The following LPP variants were observed in gnomAD, a reference collection of about 807,000 sequenced individuals.
The protein encoded by LPP is lipoma-preferred partner.
Under a neutral mutation model 60.4 loss-of-function variants are expected in LPP, and 38 were observed. The observed-to-expected ratio is 0.63, with a 90% CI of 0.49 to 0.83. The LOEUF (loss-of-function observed/expected upper bound fraction) is 0.83, where lower values mean the gene tolerates loss of function less well. Among genes scored for constraint, LPP ranks in the 40% least tolerant of loss-of-function variants. The probability of loss-of-function intolerance (pLI) is 0.00; values close to 1 mark genes in which losing one functional copy is unlikely to be tolerated. For synonymous variants in LPP, 328 were observed against 290.8 expected, an observed-to-expected ratio of 1.13 and a Z score of -1.30; for missense variants, 902 against 783.6, an observed-to-expected ratio of 1.15 and a Z score of -1.80.
intron 4 of LPP, among the ~76,000 whole-genome samples, chr3:188,416,263 C>T (rs1044724196): frequency 2.6e-5 from 4 of 152,112 alleles, no homozygotes; most frequent in Non-Finnish European, 5.9e-5. Context: ...ATGGCTTAAA[C>T]CTGTGGTTTT....
chr3:188,734,822 A>G (rs968094697), intron 8 of LPP, among the ~76,000 whole-genome samples: 2 of 152,234 alleles, frequency 1.3e-5, no homozygotes, highest in African/African-American at 4.8e-5. Flanking sequence ...GAATTTGAAA[A>G]GAGTCCAGGA....
At chr3:188,654,725 C>T (rs956094513) in intron 7 of LPP, among the ~76,000 whole-genome samples, 9 of 152,308 alleles carry the variant, frequency 5.9e-5, no homozygotes, top group Admixed American at 1.3e-4. Flanking sequence ...CCCCCAATAG[C>T]TTACCCAGTC....
Position 188,732,496 on chromosome 3 carries a change from G to A in LPP, c.1240+24103G>A, listed in dbSNP as rs548203881. On this transcript the variant is annotated intron_variant, in intron 8 of 11. Coordinates refer to ENST00000617246, the MANE Select transcript of LPP (RefSeq NM_001375462.1). ...ATCCTGGCCGGGCGCAGTGGCTCAC[G>A]CCTGTAATCCCAGCGCTTTGGGAGG... Among the ~76,000 whole-genome samples, 416 of 152,156 alleles carry A rather than the reference G, an allele frequency of 2.7e-3. 3 individuals carry two copies. Among genetic ancestry groups the A allele is most frequent in the African/African-American group, 9.0e-3 (375 of 41,534 alleles).
intron 2 of LPP, among the ~76,000 whole-genome samples, chr3:188,305,190 C>T (rs1273389812): frequency 6.6e-6 from 1 of 152,112 alleles, no homozygotes; most frequent in Non-Finnish European, 1.5e-5. Flanking sequence ...CAAAGCCTAG[C>T]TCTGTAGGAG....
chr3:188,282,205 G>T (rs138449002), intron 2 of LPP, among the ~76,000 whole-genome samples: 1 of 151,822 alleles, frequency 6.6e-6, no homozygotes, highest in African/African-American at 2.4e-5. Context: ...TTAATATGGG[G>T]CTCAGTGGCC....
At chr3:188,214,439 A>G (rs1712682701) in intron 1 of LPP, among the ~76,000 whole-genome samples, 1 of 152,160 alleles carries the variant, frequency 6.6e-6, no homozygotes, top group Non-Finnish European at 1.5e-5. Context: ...CCTCGGATCA[A>G]CTTGAGGGCC....
chr3:188,818,699 A>G (rs1017310031), intron 9 of LPP, among the ~76,000 whole-genome samples: 1 of 152,118 alleles, frequency 6.6e-6, no homozygotes, highest in Non-Finnish European at 1.5e-5. Context: ...TTATTTCCTA[A>G]CAGTGTAGCC....
At chr3:188,204,054 G>T (rs1417143168) in intron 1 of LPP, among the ~76,000 whole-genome samples, 1 of 152,156 alleles carries the variant, frequency 6.6e-6, no homozygotes. Context: ...GGGTGGGCCA[G>T]TGAAGACACT....
intron 3 of LPP, among the ~76,000 whole-genome samples, chr3:188,374,992 T>G (rs1774538226): frequency 6.6e-6 from 1 of 152,198 alleles, no homozygotes; most frequent in East Asian, 1.9e-4. Flanking sequence ...TGGTTCTGTT[T>G]ATATGCTGGA....
chr3:188,524,672 C>T lies in LPP; in HGVS notation c.314C>T (p.Pro105Leu), dbSNP rs1490765692. 1.9e-6 allele frequency: 3 copies of T among 1,613,300 alleles called. No homozygotes were observed. The highest frequency in any genetic ancestry group is 2.5e-6 in the Non-Finnish European group (3 of 1,179,606). ...DEEAFKVQGN[P>L]GGKTLEERRS... Reference sequence around the variant, plus strand: ...CTGTGTTGCTTCCAACAGGGGAATCCCGGAGGCAAGACACTTGAGGAGAGG... The same window carrying T: ...CTGTGTTGCTTCCAACAGGGGAATCTCGGAGGCAAGACACTTGAGGAGAGG... The change falls in exon 6 of 12, where the codon CCC becomes CTC. Residue 105 changes from proline (P) to leucine (L), a missense_variant. Pro to Leu is a moderately conservative substitution (Grantham distance 98, BLOSUM62 -3). Coordinates refer to ENST00000617246, the MANE Select transcript of LPP (RefSeq NM_001375462.1).
chr3:188,464,638 T>C (rs1035847042), intron 4 of LPP, among the ~76,000 whole-genome samples: 5 of 152,160 alleles, frequency 3.3e-5, no homozygotes, highest in Non-Finnish European at 4.4e-5. Context: ...TAAAGTGATT[T>C]CATGGACACT....
rs535653153 is a variant in LPP at position 188,219,360 on chromosome 3, C to T, written c.-189-6045C>T. 7.1e-4 allele frequency among the ~76,000 whole-genome samples: 108 copies of T among 152,114 alleles called. 1 individual carries two copies. The highest frequency in any genetic ancestry group is 3.4e-3 in the Middle Eastern group (1 of 292). ...CAATTGAGGGTACCTGTGCTCTAGC[C>T]GGGGCCCGGAATTTAATATTTAATG... On this transcript the variant is annotated intron_variant, in intron 1 of 11. Coordinates refer to ENST00000617246, the MANE Select transcript of LPP (RefSeq NM_001375462.1).
At chr3:188,296,326 CG>C (rs1245387323) in intron 2 of LPP, among the ~76,000 whole-genome samples, 5 of 151,990 alleles carry the variant, frequency 3.3e-5, no homozygotes, top group African/African-American at 9.7e-5. Context: ...AGTGAGGATT[CG>C]GGGGATGGAG....
intron 3 of LPP, among the ~76,000 whole-genome samples, chr3:188,371,102 C>T (rs1772927032): frequency 6.6e-6 from 1 of 152,064 alleles, no homozygotes; most frequent in South Asian, 2.1e-4. Flanking sequence ...ACTTTGCCTT[C>T]CTTCTCTGTA....
At chr3:188,700,952 C>T (rs1019438681) in intron 7 of LPP, among the ~76,000 whole-genome samples, 1 of 152,092 alleles carries the variant, frequency 6.6e-6, no homozygotes, top group South Asian at 2.1e-4. Context: ...TAACATGTTA[C>T]ACATAAAGAA....
intron 6 of LPP, among the ~76,000 whole-genome samples, chr3:188,592,557 G>GTTTGTTTTTTTTTTTTT (rs1260656926): frequency 2.8e-4 from 24 of 85,692 alleles, no homozygotes; most frequent in African/African-American, 6.3e-4. Context: ...TTTTGTTTTT[G>GTTTGTTTTTTTTTTTTT]TTTTTTAAAT....
chr3:188,697,316 T>C lies in LPP; in HGVS notation c.1114-10951T>C, dbSNP rs372776191. Among the ~76,000 whole-genome samples the C allele has an allele frequency of 4.6e-5, 7 of 152,298 alleles. No individual in the cohort carries two copies. In the South Asian group the frequency reaches 8.3e-4, roughly 18 times the overall value. ...GGAGTTAACCATTTGTTTGCTGGTT[T>C]GCATTTCCCACGAAAAACTCAAAAA... On this transcript the variant is annotated intron_variant, in intron 7 of 11. Transcript: ENST00000617246.
chr3:188,160,657 C>A (rs1717987307), intron 1 of LPP, among the ~76,000 whole-genome samples: 1 of 152,330 alleles, frequency 6.6e-6, no homozygotes, highest in Middle Eastern at 3.4e-3. Context: ...CCAACCCACA[C>A]GTATCTGTGA....
chr3:188,510,841 A>G (rs1815251108), intron 5 of LPP, among the ~76,000 whole-genome samples: 1 of 152,208 alleles, frequency 6.6e-6, no homozygotes, highest in African/African-American at 2.4e-5. Context: ...TTCTGTCGCC[A>G]TATAGCTCTC....
Sources: gnomAD v4.1 joint callset for allele counts (sites outside exome capture counted in the v4.1 genomes callset) on GRCh38, gnomAD v4.1.1 for gene constraint, MANE v1.5 for transcripts, NCBI Gene and HGNC (gene_info 2026-07-23, HGNC 2026-07-21) for gene names.